Variants in CRACDL observed in about 807,000 individuals in gnomAD.
CRACDL encodes the protein CRACD like.
A neutral mutation model predicts 70.6 loss-of-function variants in CRACDL; 26 were observed. That is an observed-to-expected ratio of 0.37 (90% CI 0.27 to 0.51). The LOEUF is 0.51. Ranked by LOEUF, CRACDL falls within the 20% of genes least tolerant of loss-of-function variation. The pLI, the probability that CRACDL is intolerant of heterozygous loss-of-function variation, is 0.94. For synonymous variants in CRACDL, 618 were observed against 615.2 expected (o/e 1.00, Z -0.07); for missense variants, 1,283 against 1,376.9 (o/e 0.93, Z 1.08).
rs780423414 is a variant in CRACDL, at chr2:98,823,209, G to C, written c.1064C>G (p.Pro355Arg). ...ESAPTLRVEP[P>R]SPPEGPPNPG... ...ATTCGGGGGGCCCTCCGGCGGGGAC[G>C]GGGGCTCCACGCGGAGAGTGGGGGC... is the stretch of plus-strand genomic sequence containing the variant. The change falls in exon 7 of 10, where the codon CCG (proline) becomes CGG (arginine). Residue 355 changes from proline (P) to arginine (R), a missense_variant. Around this residue, in one of 2 missense-constraint regions of CRACDL, gnomAD observed 362 missense variants for 495.0 expected, o/e 0.73. Coordinates refer to ENST00000397899, the MANE Select transcript of CRACDL (RefSeq NM_207362.3). This position sits in a 1 kb window ranked among gnomAD's most constrained non-coding sequence, Gnocchi z 4.0. 8 of 1,427,798 alleles carry C rather than the reference G, an allele frequency of 5.6e-6. 1 individual carries two copies. In the South Asian group the frequency reaches 1.2e-4, roughly 21 times the overall value. The allele number at this position is 1,427,798 out of a possible 1,614,324, so 88.4% of individuals were successfully genotyped here. A position where few individuals can be genotyped will look rare whatever the true frequency, so the allele number is the denominator to read the frequency against.
intron 1 of CRACDL, among the ~76,000 whole-genome samples, chr2:98,881,959 G>C (rs1558621007): frequency 6.6e-6 from 1 of 152,234 alleles, no homozygotes. Context: ...GAAGGGGCAT[G>C]ATGCTTTCTA....
chr2:98,872,285 G>A (rs897645302), intron 1 of CRACDL, among the ~76,000 whole-genome samples: 1 of 152,196 alleles, frequency 6.6e-6, no homozygotes, highest in Non-Finnish European at 1.5e-5. Flanking sequence ...TTGAACCCTG[G>A]AGGAGGAGGT....
chr2:98,853,363 C>CTATAT (rs1706560644), intron 1 of CRACDL, among the ~76,000 whole-genome samples: 1 of 152,036 alleles, frequency 6.6e-6, no homozygotes, highest in African/African-American at 2.4e-5. Flanking sequence ...CAAAGAACAA[C>CTATAT]CCAATATTCT....
At chr2:98,872,972 G>GA (rs1707389287) in intron 1 of CRACDL, among the ~76,000 whole-genome samples, 1 of 152,166 alleles carries the variant, frequency 6.6e-6, no homozygotes, top group Admixed American at 6.5e-5. Context: ...TTCATAATTA[G>GA]AAGAAGCTCC....
At chr2:98,841,544 A>C (rs1199909235) in intron 2 of CRACDL, among the ~76,000 whole-genome samples, 4 of 152,162 alleles carry the variant, frequency 2.6e-5, no homozygotes, top group African/African-American at 7.2e-5. Flanking sequence ...ATGTTCACAC[A>C]GGTGTATCCA....
intron 1 of CRACDL, among the ~76,000 whole-genome samples, chr2:98,916,862 C>G (rs1275706516): frequency 6.6e-6 from 1 of 152,180 alleles, no homozygotes; most frequent in Non-Finnish European, 1.5e-5. Flanking sequence ...AGAGCCTACC[C>G]GGGGTCAGCA....
At chr2:98,795,073 A>ATTTTTTTTT (rs1468056572) in intron 9 of CRACDL, among the ~76,000 whole-genome samples, 254 of 20,072 alleles carry the variant, frequency 0.013, 26 homozygotes, top group East Asian at 0.02. Context: ...ATATATATAT[A>ATTTTTTTTT]TATATTTTTT....
intron 1 of CRACDL, among the ~76,000 whole-genome samples, chr2:98,925,696 C>A (rs1349792514): frequency 6.6e-6 from 1 of 152,130 alleles, no homozygotes; most frequent in African/African-American, 2.4e-5. Flanking sequence ...GCCAAAGTGA[C>A]TTCACTTTGC....
At chr2:98,805,741 C>A (rs543419734) in intron 7 of CRACDL, among the ~76,000 whole-genome samples, 1 of 152,350 alleles carries the variant, frequency 6.6e-6, no homozygotes, top group African/African-American at 2.4e-5. Flanking sequence ...GCTGCCAGGG[C>A]CAAACTGCCC....
At chr2:98,906,433 T>G (rs1708416748) in intron 1 of CRACDL, among the ~76,000 whole-genome samples, 1 of 152,146 alleles carries the variant, frequency 6.6e-6, no homozygotes, top group South Asian at 2.1e-4. Context: ...GGCTAATTTT[T>G]GTATTTTTAG....
intron 1 of CRACDL, among the ~76,000 whole-genome samples, chr2:98,893,181 G>A (rs947707103): frequency 6.6e-6 from 1 of 152,112 alleles, no homozygotes; most frequent in Non-Finnish European, 1.5e-5. Flanking sequence ...ACCTGAAAGT[G>A]CACCTCTGTA....
At chr2:98,806,135 C>A (rs1362167563) in intron 7 of CRACDL, among the ~76,000 whole-genome samples, 1 of 152,228 alleles carries the variant, frequency 6.6e-6, no homozygotes, top group African/African-American at 2.4e-5. Context: ...TGTCCCAGGG[C>A]AGGAGTTTGC....
In CRACDL at chr2:98,823,398, T is replaced by C. The variant is rs1705179755; in HGVS notation, c.875A>G (p.Glu292Gly). 2.6e-6 allele frequency: 4 copies of C among 1,553,000 alleles called. No homozygotes were observed. The highest frequency in any genetic ancestry group is 3.5e-6 in the Non-Finnish European group (4 of 1,157,366). Residue 292 changes from glutamate to glycine, a missense_variant, in exon 7 of 10, where the codon GAG becomes GGG. By Grantham distance (98) the Glu-to-Gly change is moderately conservative. Around this residue, in one of 2 missense-constraint regions of CRACDL, gnomAD observed 362 missense variants for 495.0 expected, o/e 0.73. Transcript: ENST00000397899. This position sits in a 1 kb window ranked among gnomAD's most constrained non-coding sequence, Gnocchi z 4.0. Reference protein sequence around the residue: ...QQDVAPDRGPEPGPPAPLPPP... With the variant: ...QQDVAPDRGPGPGPPAPLPPP... ...CGGCAAGGGCGCCGGTGGCCCAGGC[T>C]CAGGGCCTCTGTCTGGCGCCACGTC... is the stretch of plus-strand genomic sequence containing the variant.
chr2:98,824,677 A>G (rs1705235093), intron 6 of CRACDL, among the ~76,000 whole-genome samples: 1 of 152,134 alleles, frequency 6.6e-6, no homozygotes, highest in South Asian at 2.1e-4. Flanking sequence ...TAAAGCAGGA[A>G]CTGTGACAGG....
At chr2:98,878,142 T>A (rs1707537406) in intron 1 of CRACDL, among the ~76,000 whole-genome samples, 1 of 152,160 alleles carries the variant, frequency 6.6e-6, no homozygotes, top group Non-Finnish European at 1.5e-5. Flanking sequence ...AGATGGGGTT[T>A]CACCATGTTG....
chr2:98,927,436 TTC>T (rs1370717400), intron 1 of CRACDL, among the ~76,000 whole-genome samples: 2 of 151,540 alleles, frequency 1.3e-5, no homozygotes, highest in East Asian at 3.9e-4. Flanking sequence ...TGAGAGTGAA[TTC>T]TGAGTAACAC....
intron 1 of CRACDL, among the ~76,000 whole-genome samples, chr2:98,914,628 C>T (rs957938271): frequency 6.6e-6 from 1 of 152,218 alleles, no homozygotes; most frequent in South Asian, 2.1e-4. Context: ...CCCTGCCCCC[C>T]ACCAGCCTTC....
In CRACDL at chr2:98,822,006, A is replaced by C. The variant is rs529513675; in HGVS notation, c.2267T>G (p.Leu756Arg). ...GKGKARPPEP[L>R]SSKPPLPRKP... ...CCGGGGCAGGGGCGGCTTGGAGCTG[A>C]GCGGCTCGGGGGGCCGGGCCTTCCC... Residue 756 changes from leucine to arginine, a missense_variant, in exon 7 of 10, where the codon CTC (leucine) becomes CGC (arginine). By Grantham distance (102) the Leu-to-Arg change is moderately radical. This residue lies in a region of CRACDL where 921 missense variants were observed against 881.9 expected (regional missense o/e 1.04). Coordinates refer to ENST00000397899, the MANE Select transcript of CRACDL (RefSeq NM_207362.3). This position sits in a 1 kb window ranked among gnomAD's most constrained non-coding sequence, Gnocchi z 4.9. 2 of 1,537,518 alleles carry C rather than the reference A, an allele frequency of 1.3e-6. No homozygotes were observed. The highest frequency in any genetic ancestry group is 2.4e-5 in the South Asian group (2 of 82,916).
Position 98,899,514 on chromosome 2 carries a change from T to C in CRACDL, c.-11+36424A>G, listed in dbSNP as rs530641484. On this transcript the variant is annotated intron_variant, in intron 1 of 9. Transcript: ENST00000397899. The stretch of plus-strand genomic sequence containing the variant: ...GAACACCTGGGACTGCAGTTGAGCC[T>C]GAAGGACAGTGAGGGAATGGCCAGG... Among the ~76,000 whole-genome samples, 60 of 152,270 alleles carry C rather than the reference T, an allele frequency of 3.9e-4. 1 individual carries two copies. In the South Asian group the frequency reaches 0.012, roughly 30 times the overall value.
Sources: gnomAD v4.1 joint callset for allele counts (sites outside exome capture counted in the v4.1 genomes callset) on GRCh38, gnomAD v4.1.1 for gene constraint, gnomAD v4.1.1 regional missense constraint, Gnocchi (gnomAD v3.1) non-coding constraint, MANE v1.5 for transcripts, NCBI Gene and HGNC (gene_info 2026-07-23, HGNC 2026-07-21) for gene names.